HAT1: variants seen among roughly 807,000 people sequenced by gnomAD.
HAT1 encodes the protein histone acetyltransferase type B catalytic subunit.
HAT1 carries 20 observed loss-of-function variants against 56.6 expected under a neutral mutation model. The ratio of observed to expected loss-of-function variants is 0.35; its 90% CI spans 0.25 to 0.51. The LOEUF (loss-of-function observed/expected upper bound fraction) is 0.51. Ranked by LOEUF, HAT1 falls within the 20% of genes least tolerant of loss-of-function variation. HAT1 has a pLI of 0.95. For missense variants in HAT1, 408 were observed against 504.3 expected, an observed-to-expected ratio of 0.81 and a Z score of 1.83; for synonymous variants, 146 against 165.5, an observed-to-expected ratio of 0.88 and a Z score of 0.91.
intron 2 of HAT1, among the ~76,000 whole-genome samples, chr2:171,942,577 T>C (rs1460252828): frequency 2.0e-5 from 3 of 152,210 alleles, no homozygotes; most frequent in African/African-American, 4.8e-5. Flanking sequence ...ATCATTCACC[T>C]GTGACATTTG....
intron 2 of HAT1, among the ~76,000 whole-genome samples, chr2:171,931,120 G>C (rs1165713374): frequency 6.6e-6 from 1 of 152,108 alleles, no homozygotes; most frequent in Non-Finnish European, 1.5e-5. Context: ...GGCTGGGCAT[G>C]GTGGCTCACA....
chr2:171,975,528 T>C (rs1687937165), intron 8 of HAT1, among the ~76,000 whole-genome samples: 2 of 152,228 alleles, frequency 1.3e-5, no homozygotes, highest in Admixed American at 1.3e-4. Flanking sequence ...AGATTTTTAG[T>C]TGGTAATTAA....
In HAT1 at chr2:171,983,211, G is replaced by A. The variant is rs1419408148; in HGVS notation, c.1119G>A (p.Met373Ile). ...YKKKQRDLAKMRKCLRPEELT... is the reference protein window; with the variant it reads ...YKKKQRDLAKIRKCLRPEELT... ...AAAAGCAGAGAGATCTTGCTAAGAT[G>A]AGAAAATGTCTCAGACCAGAAGAAC... The change falls in exon 11 of 11, where the codon ATG becomes ATA. Residue 373 changes from methionine to isoleucine, a missense_variant. Transcript: ENST00000264108. 2 of 1,587,416 alleles carry A rather than the reference G, an allele frequency of 1.3e-6. No homozygotes were observed. The highest frequency in any genetic ancestry group is 2.3e-5 in the South Asian group (2 of 86,766).
At chr2:171,924,968 A>G (rs1686546690) in intron 1 of HAT1, 1 of 151,908 alleles carries the variant, frequency 6.6e-6, no homozygotes, top group African/African-American at 2.4e-5. Context: ...TTAGTAATCT[A>G]TCATGTTAAT....
At chr2:171,934,079 A>G (rs979495122) in intron 2 of HAT1, among the ~76,000 whole-genome samples, 1 of 152,156 alleles carries the variant, frequency 6.6e-6, no homozygotes, top group African/African-American at 2.4e-5. Flanking sequence ...TAGACTTCCT[A>G]TGTCTTCTTG....
intron 2 of HAT1, 48 bp downstream of exon 2, chr2:171,925,689 T>C (rs1686572457): frequency 2.6e-6 from 2 of 757,728 alleles, no homozygotes; most frequent in Non-Finnish European, 4.6e-6. Flanking sequence ...TGTGTGTGTA[T>C]ATATAATCTT....
At chr2:171,926,225 C>T (rs1686589507) in intron 2 of HAT1, among the ~76,000 whole-genome samples, 1 of 152,142 alleles carries the variant, frequency 6.6e-6, no homozygotes, top group South Asian at 2.1e-4. Context: ...TCAGGCAGTC[C>T]TTCTGCCTCA....
At chr2:171,935,405 C>G (rs1253235000) in intron 2 of HAT1, among the ~76,000 whole-genome samples, 3 of 147,794 alleles carry the variant, frequency 2.0e-5, no homozygotes, top group African/African-American at 7.6e-5. Context: ...ATCTCAGCTA[C>G]TTGGGAGACT....
At chr2:171,927,351 A>G (rs181136825) in intron 2 of HAT1, among the ~76,000 whole-genome samples, 2 of 152,350 alleles carry the variant, frequency 1.3e-5, no homozygotes, top group East Asian at 3.9e-4. Flanking sequence ...ATGGAGTTAA[A>G]TATCAGTAAA....
chr2:171,938,442 A>C (rs992310462), intron 2 of HAT1, among the ~76,000 whole-genome samples: 4 of 152,156 alleles, frequency 2.6e-5, no homozygotes, highest in African/African-American at 9.7e-5. Context: ...TTCTATTTAC[A>C]TTGTAATTAT....
intron 4 of HAT1, 73 bp downstream of exon 4, chr2:171,953,074 G>C: frequency 3.0e-6 from 3 of 1,012,482 alleles, no homozygotes; most frequent in Non-Finnish European, 4.3e-6. Context: ...GCCAGGTGCG[G>C]TGGCTCACAC....
intron 4 of HAT1, among the ~76,000 whole-genome samples, chr2:171,961,905 T>TA (rs397986672): frequency 8.0e-5 from 12 of 149,848 alleles, no homozygotes; most frequent in Non-Finnish European, 1.3e-4. Flanking sequence ...TTTTTTTTTT[T>TA]AGCATATTTT....
At chr2:171,974,816 C>G (rs553015474) in intron 8 of HAT1, among the ~76,000 whole-genome samples, 14 of 152,262 alleles carry the variant, frequency 9.2e-5, no homozygotes, top group Non-Finnish European at 1.8e-4. Flanking sequence ...ACGCTTTGTT[C>G]TGCATGTATT....
At chr2:171,962,711 T>A (rs1000741108) in intron 4 of HAT1, among the ~76,000 whole-genome samples, 7 of 151,886 alleles carry the variant, frequency 4.6e-5, no homozygotes, top group Admixed American at 1.3e-4. Flanking sequence ...TTTTTAAAAA[T>A]TTTTTTGAAA....
chr2:171,967,063 TTTAAGCCATCTAAAGATGGC>T, intron 8 of HAT1, 114 bp downstream of exon 8: 2 of 601,384 alleles, frequency 3.3e-6, no homozygotes, highest in South Asian at 4.4e-5. Flanking sequence ...TCCTAGGGTG[TTTAAGCCATCTAAAGATGGC>T]TTAAGTTTAT....
In HAT1 at chr2:171,968,398, T is replaced by C. The variant is rs115439617; in HGVS notation, c.823+1449T>C. ...TCACATAAGTAGTCTTTGTCTACTC[T>C]AGTGGGTAATGTGCCAGCAGGGGTT... On this transcript the variant is annotated intron_variant, in intron 8 of 10. Coordinates refer to ENST00000264108, the MANE Select transcript of HAT1 (RefSeq NM_003642.4). Among the ~76,000 whole-genome samples, 278 of 152,280 alleles carry C rather than the reference T, an allele frequency of 1.8e-3. 5 individuals carry two copies. The highest frequency in any genetic ancestry group is 6.5e-3 in the African/African-American group (269 of 41,578).
chr2:171,925,722 T>C (rs1686572997), intron 2 of HAT1, 81 bp downstream of exon 2: 2 of 634,876 alleles, frequency 3.2e-6, no homozygotes, highest in Non-Finnish European at 5.7e-6. Flanking sequence ...TGAAGTAAAA[T>C]TTTATGTAAG....
At chr2:171,953,394 G>C (rs1409996734) in intron 4 of HAT1, among the ~76,000 whole-genome samples, 1 of 151,700 alleles carries the variant, frequency 6.6e-6, no homozygotes, top group Non-Finnish European at 1.5e-5. Context: ...AAAATTAAAG[G>C]TTTGGGCTGG....
At chr2:171,938,408 C>T (rs926244522) in intron 2 of HAT1, among the ~76,000 whole-genome samples, 10 of 152,046 alleles carry the variant, frequency 6.6e-5, no homozygotes, top group South Asian at 2.1e-4. Context: ...ATGATTCAAG[C>T]GCATTACATT....
Sources: allele counts gnomAD v4.1 joint callset (sites outside exome capture counted in the v4.1 genomes callset), GRCh38; gene constraint gnomAD v4.1.1; transcripts MANE v1.5; gene names NCBI Gene and HGNC (gene_info 2026-07-23, HGNC 2026-07-21).